The following CYGB variants were observed in gnomAD, a reference collection of about 807,000 sequenced individuals.
The protein encoded by CYGB is histoglobin.
In CYGB, 13 loss-of-function variants were observed where a neutral mutation model predicts 20.7. That is an observed-to-expected ratio of 0.63 (90% CI 0.41 to 1.00). CYGB has a LOEUF of 1.00. Ranked by LOEUF, CYGB falls within the 50% of genes least tolerant of loss-of-function variation. The pLI, the probability that CYGB is intolerant of heterozygous loss-of-function variation, is 0.00. For synonymous variants in CYGB, 93 were observed against 107.4 expected (o/e 0.87, Z 0.83); for missense variants, 218 against 257.2 (o/e 0.85, Z 1.04).
chr17:76,532,872 C>G (rs1359715218), intron 1 of CYGB, among the ~76,000 whole-genome samples: 1 of 152,200 alleles, frequency 6.6e-6, no homozygotes, highest in Non-Finnish European at 1.5e-5. Context: ...CCTGTCGGGG[C>G]TGGATGTCAT....
upstream of CYGB, chr17:76,540,418 A>G: frequency 4.8e-6 from 7 of 1,458,228 alleles, no homozygotes; most frequent in Non-Finnish European, 6.7e-6. The surrounding 1 kb of genome is among the most constrained non-coding windows in gnomAD (Gnocchi z 5.0). Flanking sequence ...CTCTACTCCC[A>G]TAGCCCAATG....
rs2074783379 is a variant in CYGB, at chr17:76,527,664, A to C, written c.*914T>G. 2.2e-6 allele frequency: 1 copy of C among 453,790 alleles called. No homozygotes were observed. The highest frequency in any genetic ancestry group is 4.4e-6 in the Non-Finnish European group (1 of 226,678). The allele number at this position is 453,790 out of a possible 1,614,324, so 28.1% of individuals were successfully genotyped here. Reference sequence around the variant, plus strand: ...GCCCTCGGAGCTGAGGGTGAGACCCAGGCATGTGGTCCCGCCGACCTGCTG... The same window carrying C: ...GCCCTCGGAGCTGAGGGTGAGACCCCGGCATGTGGTCCCGCCGACCTGCTG... On this transcript the variant is annotated 3_prime_UTR_variant, in exon 4 of 4. Coordinates refer to ENST00000293230, the MANE Select transcript of CYGB (RefSeq NM_134268.5).
At position 76,528,443 on chromosome 17, in the gene CYGB, A is replaced by G; in HGVS notation, c.*135T>C. ...CAGGGGGGGACCCTGGCCGCCACAG[A>G]GGCCTCCTTCGGGGAAGTTGAGTCA... On this transcript the variant is annotated 3_prime_UTR_variant, in exon 4 of 4. Transcript: ENST00000293230. This position sits in a 1 kb window ranked among gnomAD's most constrained non-coding sequence, Gnocchi z 5.8. The G allele has an allele frequency of 1.2e-6, 1 of 838,204 alleles. No individual in the cohort carries two copies. Among genetic ancestry groups the G allele is most frequent in the Non-Finnish European group, 1.6e-6 (1 of 613,776 alleles). The allele number at this position is 838,204 out of a possible 1,614,324, so 51.9% of individuals were successfully genotyped here. A position where few individuals can be genotyped will look rare whatever the true frequency, so the allele number is the denominator to read the frequency against.
Position 76,527,846 on chromosome 17 carries a change from C to T in CYGB, c.*732G>A, listed in dbSNP as rs564446863. On this transcript the variant is annotated 3_prime_UTR_variant, in exon 4 of 4. Coordinates refer to ENST00000293230, the MANE Select transcript of CYGB (RefSeq NM_134268.5). ...TCTAGGACAGCCGGTGAGTCAGTTC[C>T]TCTGAGGGAGTAGGGGGAGCCCACT... 2.7e-5 allele frequency: 12 copies of T among 452,692 alleles called. No homozygotes were observed. Among genetic ancestry groups the T allele is most frequent in the African/African-American group, 6.0e-5 (3 of 50,080 alleles). The allele number at this position is 452,692 out of a possible 1,614,324, so 28.0% of individuals were successfully genotyped here. A position where few individuals can be genotyped will look rare whatever the true frequency, so the allele number is the denominator to read the frequency against.
At chr17:76,547,246 G>A (rs961697921) in intron 1 of CYGB, 1 of 152,344 alleles carries the variant, frequency 6.6e-6, no homozygotes, top group Non-Finnish European at 1.5e-5. Context: ...TGGCAGGGAT[G>A]ACAGACAGCG....
intron 3 of CYGB, chr17:76,529,225 G>A: frequency 1.0e-6 from 1 of 985,456 alleles, no homozygotes; most frequent in African/African-American, 1.7e-5. Context: ...GCAGCAGGGA[G>A]GCTCTGCAGG....
In CYGB at chr17:76,531,237, A is replaced by G. The variant is rs1015466660; in HGVS notation, c.376-95T>C. On this transcript the variant is annotated intron_variant, in intron 2 of 3. Coordinates refer to ENST00000293230, the MANE Select transcript of CYGB (RefSeq NM_134268.5). This position sits in a 1 kb window ranked among gnomAD's most constrained non-coding sequence, Gnocchi z 7.4. ...CGCCCCACGTGTGGCCGAGAGGATC[A>G]TTCCTAACGCAACAGTCTGGCAGCT... 4 of 1,382,036 alleles carry G rather than the reference A, an allele frequency of 2.9e-6. No homozygotes were observed. The highest frequency in any genetic ancestry group is 4.0e-6 in the Non-Finnish European group (4 of 1,007,914). 85.6% of individuals were successfully genotyped at this position (1,382,036 alleles called of 1,614,324 possible).
At chr17:76,534,431 G>A (rs1270406942) in intron 1 of CYGB, among the ~76,000 whole-genome samples, 3 of 152,032 alleles carry the variant, frequency 2.0e-5, no homozygotes, top group Admixed American at 6.6e-5. Context: ...TGCCTGCCTC[G>A]GCCTCACAAA....
intron 1 of CYGB, among the ~76,000 whole-genome samples, chr17:76,534,132 C>CTT (rs1364079110): frequency 2.1e-5 from 3 of 139,748 alleles, no homozygotes; most frequent in South Asian, 2.4e-4. Context: ...CTTTCTTTCT[C>CTT]TCTCTCTTTC....
chr17:76,544,832 G>A (rs2075035502), intron 1 of CYGB: 1 of 456,686 alleles, frequency 2.2e-6, no homozygotes, highest in Non-Finnish European at 4.4e-6. Context: ...CTGAGGAATT[G>A]TCAGGCCAAG....
At chr17:76,529,929 G>A in intron 3 of CYGB, 1 of 985,344 alleles carries the variant, frequency 1.0e-6, no homozygotes, top group Non-Finnish European at 1.2e-6. Context: ...AGGGGAGCAG[G>A]AGCCAGCCCG....
intron 1 of CYGB, among the ~76,000 whole-genome samples, chr17:76,548,261 G>A (rs1021237924): frequency 3.9e-5 from 6 of 151,900 alleles, no homozygotes; most frequent in Non-Finnish European, 8.8e-5. Flanking sequence ...CACACACACA[G>A]ATACACATAA....
In CYGB at chr17:76,528,781, G is replaced by T; in HGVS notation, c.540-170C>A. 2.0e-6 allele frequency: 2 copies of T among 1,010,830 alleles called. No individual in the cohort carries two copies. Among genetic ancestry groups the T allele is most frequent in the Non-Finnish European group, 2.6e-6 (2 of 780,818 alleles). The allele number at this position is 1,010,830 out of a possible 1,614,324, so 62.6% of individuals were successfully genotyped here. A position where few individuals can be genotyped will look rare whatever the true frequency, so the allele number is the denominator to read the frequency against. ...CAAGTTCTAGTCTCCGTCCTGCTAC[G>T]AACGTGCTGTGTGATCTCAGGCAAG... is the stretch of plus-strand genomic sequence containing the variant. On this transcript the variant is annotated intron_variant, in intron 3 of 3. Coordinates refer to ENST00000293230, the MANE Select transcript of CYGB (RefSeq NM_134268.5). The surrounding 1 kb of genome is among the most constrained non-coding windows in gnomAD (Gnocchi z 5.8).
chr17:76,544,908 C>CG (rs1421888923), intron 1 of CYGB: 2 of 456,678 alleles, frequency 4.4e-6, no homozygotes, highest in Admixed American at 2.3e-5. Flanking sequence ...GCCACTGTTC[C>CG]GAGAACCTGC....
chr17:76,535,056 T>C (rs558851278), intron 1 of CYGB, among the ~76,000 whole-genome samples: 54 of 152,304 alleles, frequency 3.5e-4, no homozygotes, highest in African/African-American at 1.2e-3. Context: ...GAGGAAGGTG[T>C]CAGAGTTACA....
chr17:76,543,838 G>A (rs1295143650), intron 1 of CYGB: 3 of 470,972 alleles, frequency 6.4e-6, no homozygotes, highest in African/African-American at 6.0e-5. Flanking sequence ...CTGCTCTGCT[G>A]AAATTATCAA....
upstream of CYGB, among the ~76,000 whole-genome samples, chr17:76,541,829 G>C (rs960677619): frequency 1.2e-4 from 18 of 152,216 alleles, no homozygotes; most frequent in African/African-American, 4.3e-4. Flanking sequence ...CTAATGGAAA[G>C]ACTATGGGGG....
At position 76,531,705 on chromosome 17, in the gene CYGB, CA is replaced by C. The variant is rs779291055; in HGVS notation, c.144-15del. The C allele has an allele frequency of 1.8e-5, 29 of 1,573,174 alleles. No homozygotes were observed. The highest frequency in any genetic ancestry group is 1.5e-4 in the African/African-American group (11 of 74,282). ...TTCACAAAGAACCTGGCAAGAGGAACAGGGGTGGTCGCTGAAGCTGGAGGCT... is the reference window on the plus strand; with the variant it reads ...TTCACAAAGAACCTGGCAAGAGGAACGGGGTGGTCGCTGAAGCTGGAGGCT... On this transcript the variant is annotated splice_polypyrimidine_tract_variant and intron_variant, in intron 1 of 3. Coordinates refer to ENST00000293230, the MANE Select transcript of CYGB (RefSeq NM_134268.5). This position sits in a 1 kb window ranked among gnomAD's most constrained non-coding sequence, Gnocchi z 7.4.
At position 76,531,665 on chromosome 17, in the gene CYGB, T is replaced by C. The variant is rs1050440981; in HGVS notation, c.170A>G (p.Lys57Arg). The change falls in exon 2 of 4, where the codon AAG becomes AGG. Residue 57 changes from lysine (K) to arginine (R), a missense_variant. Physicochemically the swap from Lys to Arg is conservative, Grantham distance 26. Around this residue, in one of 2 missense-constraint regions of CYGB, gnomAD observed 152 missense variants for 149.9 expected, o/e 1.01. Coordinates refer to ENST00000293230, the MANE Select transcript of CYGB (RefSeq NM_134268.5). This position sits in a 1 kb window ranked among gnomAD's most constrained non-coding sequence, Gnocchi z 7.4. ...VRFFVNFPSA[K>R]QYFSQFKHME... is the part of the protein sequence containing the mutation. The stretch of plus-strand genomic sequence containing the variant: ...GTGCTTGAACTGGCTGAAGTACTGC[T>C]TGGCCGAGGGGAAGTTCACAAAGAA... 3 of 1,600,286 alleles carry C rather than the reference T, an allele frequency of 1.9e-6. No individual in the cohort carries two copies. The highest frequency in any genetic ancestry group is 2.6e-6 in the Non-Finnish European group (3 of 1,168,408).
Sources: gnomAD v4.1 joint callset for allele counts (sites outside exome capture counted in the v4.1 genomes callset) on GRCh38, gnomAD v4.1.1 for gene constraint, gnomAD v4.1.1 regional missense constraint, Gnocchi (gnomAD v3.1) non-coding constraint, MANE v1.5 for transcripts, NCBI Gene and HGNC (gene_info 2026-07-23, HGNC 2026-07-21) for gene names.